The following ZWILCH variants were observed in gnomAD, a reference collection of about 807,000 sequenced individuals.
The protein encoded by ZWILCH is protein zwilch homolog.
Under a neutral mutation model 79.9 loss-of-function variants are expected in ZWILCH, and 74 were observed. The ratio of observed to expected loss-of-function variants is 0.93; its 90% CI spans 0.77 to 1.12. The LOEUF is 1.12. Among genes scored for constraint, ZWILCH ranks in the 50% most tolerant of loss-of-function variants. The pLI is 0.00. For synonymous variants in ZWILCH, 241 were observed against 228.2 expected (o/e 1.06, Z -0.51); for missense variants, 694 against 687.5 (o/e 1.01, Z -0.11).
At chr15:66,529,637 C>A in intron 12 of ZWILCH, 64 bp downstream of exon 12, 2 of 1,282,112 alleles carry the variant, frequency 1.6e-6, no homozygotes, top group African/African-American at 1.5e-5. Context: ...AAGACACAGG[C>A]TCTGAAGCCA....
chr15:66,541,193 C>T (rs1225993489), intron 17 of ZWILCH, among the ~76,000 whole-genome samples: 2 of 151,384 alleles, frequency 1.3e-5, no homozygotes, highest in African/African-American at 2.4e-5. Flanking sequence ...GAGGCTGAGG[C>T]GGGAGAATCA....
Position 66,515,516 on chromosome 15 carries a change from AT to A in ZWILCH, c.202-5del, listed in dbSNP as rs1438793908. The A allele has an allele frequency of 1.9e-6, 3 of 1,553,466 alleles. No individual in the cohort carries two copies. The highest frequency in any genetic ancestry group is 2.7e-5 in the African/African-American group (2 of 72,902). ...TTTGTCTGGTTAAATAATTAAGAAC[AT>A]TTTTAAAGCCTTTAGAAAAGGAAGA... On this transcript the variant is annotated splice_polypyrimidine_tract_variant and intron_variant, in intron 3 of 18. Transcript: ENST00000307897.
In ZWILCH at chr15:66,509,819, CTACATA is replaced by C. The variant is rs1276336930; in HGVS notation, c.105+930_105+935del. ...TATCTATAATTATGTGTGTGTGTGGCTACATATATATATATATATATATATATATAT... is the reference window on the plus strand; with the variant it reads ...TATCTATAATTATGTGTGTGTGTGGCTATATATATATATATATATATATAT... On this transcript the variant is annotated intron_variant, in intron 2 of 18. Transcript: ENST00000307897. Among the ~76,000 whole-genome samples, 15 of 49,844 alleles carry C rather than the reference CTACATA, an allele frequency of 3.0e-4. 1 individual carries two copies. The highest frequency in any genetic ancestry group is 2.5e-3 in the South Asian group (4 of 1,604). 32.7% of individuals were successfully genotyped at this position (49,844 alleles called of 152,430 possible).
chr15:66,532,246 G>T lies in ZWILCH; in HGVS notation c.1156-1G>T. 1.9e-6 allele frequency: 3 copies of T among 1,561,076 alleles called. No individual in the cohort carries two copies. The highest frequency in any genetic ancestry group is 2.1e-5 in the Admixed American group (1 of 47,978). ...TTTTATAAAATTTTCCTGATTTCTA[G>T]CTCCATAGTGGAAGTAACAGTTTAC... is the stretch of plus-strand genomic sequence containing the variant. On this transcript the variant is annotated splice_acceptor_variant, in intron 12 of 18. Transcript: ENST00000307897. LOFTEE classifies it high-confidence loss of function.
At chr15:66,540,300 C>A in intron 17 of ZWILCH, 90 bp downstream of exon 17, 1 of 1,087,006 alleles carries the variant, frequency 9.2e-7, no homozygotes, top group Non-Finnish European at 1.3e-6. Flanking sequence ...GCCTGTAATC[C>A]CAGCACTTTG....
At chr15:66,514,291 C>T (rs777462868) in intron 3 of ZWILCH, 4 of 289,176 alleles carry the variant, frequency 1.4e-5, no homozygotes, top group Non-Finnish European at 2.6e-5. Context: ...AAGAAATAAT[C>T]GATAAAATTC....
chr15:66,506,982 G>A (rs981014234), intron 1 of ZWILCH, among the ~76,000 whole-genome samples: 8 of 151,172 alleles, frequency 5.3e-5, no homozygotes, highest in South Asian at 2.1e-4. Context: ...TCAGCCTCCC[G>A]AGTAGCTGGG....
At chr15:66,535,202 T>C (rs1336265192) in intron 14 of ZWILCH, among the ~76,000 whole-genome samples, 1 of 152,196 alleles carries the variant, frequency 6.6e-6, no homozygotes, top group Non-Finnish European at 1.5e-5. Context: ...TGTTATCACC[T>C]ATGAGATAAC....
rs763100779 is a variant in ZWILCH, at chr15:66,536,072, A to T, written c.1478+3A>T. On this transcript the variant is annotated splice_donor_region_variant and intron_variant, in intron 15 of 18. Coordinates refer to ENST00000307897, the MANE Select transcript of ZWILCH (RefSeq NM_017975.5). The stretch of plus-strand genomic sequence containing the variant: ...GAACTCCTCTTTTCTTTAACACAGT[A>T]AGTACATCTGTATTCTTCACTTATA... 16 of 1,600,946 alleles carry T rather than the reference A, an allele frequency of 1.0e-5. No individual in the cohort carries two copies. Among genetic ancestry groups the T allele is most frequent in the Admixed American group, 5.2e-5 (3 of 57,818 alleles).
At chr15:66,510,995 A>C (rs59263920) in intron 2 of ZWILCH, among the ~76,000 whole-genome samples, 2,084 of 152,274 alleles carry the variant, frequency 0.014, 46 homozygotes, top group African/African-American at 0.048. Context: ...TGGAGGTTAG[A>C]CCTTCAAGAT....
intron 2 of ZWILCH, among the ~76,000 whole-genome samples, chr15:66,509,855 ATATATATATATATATC>A (rs1212341395): frequency 3.7e-4 from 39 of 106,588 alleles, no homozygotes; most frequent in Non-Finnish European, 5.9e-4. Flanking sequence ...ATATATATAT[ATATATATATATATATC>A]TCTTAAAAAT....
chr15:66,518,311 CAG>C (rs1894364348), intron 4 of ZWILCH, among the ~76,000 whole-genome samples: 1 of 117,246 alleles, frequency 8.5e-6, no homozygotes, highest in Admixed American at 1.1e-4. Flanking sequence ...TTTTTTGAGA[CAG>C]AGTCTCACCC....
Position 66,519,088 on chromosome 15 carries a change from C to T in ZWILCH, c.520+10C>T. ...GTGGTCAGTTGTAAAGGTGAGTGCT[C>T]TCTCTAGAGAGTGTGTGTGTGTATT... On this transcript the variant is annotated intron_variant, in intron 5 of 18. Transcript: ENST00000307897. 1 of 1,612,240 alleles carries T rather than the reference C, an allele frequency of 6.2e-7. No homozygotes were observed. Among genetic ancestry groups the T allele is most frequent in the Non-Finnish European group, 8.5e-7 (1 of 1,178,346 alleles).
At chr15:66,511,829 G>T (rs1200002090) in intron 2 of ZWILCH, among the ~76,000 whole-genome samples, 1 of 152,018 alleles carries the variant, frequency 6.6e-6, no homozygotes, top group African/African-American at 2.4e-5. Context: ...TAGCCAGGCT[G>T]GTCTCAAACT....
chr15:66,523,637 A>T, intron 7 of ZWILCH, 40 bp from the exon 8 acceptor site: 2 of 1,338,690 alleles, frequency 1.5e-6, no homozygotes, highest in Non-Finnish European at 2.1e-6. Context: ...AGAAGGTAGG[A>T]TTAGCACTAG....
At chr15:66,521,739 C>A (rs1038461494) in intron 7 of ZWILCH, among the ~76,000 whole-genome samples, 8 of 152,062 alleles carry the variant, frequency 5.3e-5, no homozygotes, top group Non-Finnish European at 1.2e-4. Context: ...AGTGATCCTC[C>A]CACCTCCACC....
intron 1 of ZWILCH, 199 bp from the exon 2 acceptor site, chr15:66,508,642 G>T: frequency 1.8e-6 from 2 of 1,112,104 alleles, no homozygotes; most frequent in Non-Finnish European, 1.2e-6. Context: ...TTCTTTTTTG[G>T]TTCTCTTTTC....
rs1198071053 is a variant in ZWILCH, at chr15:66,548,587, A to C, written c.*263A>C. On this transcript the variant is annotated 3_prime_UTR_variant, in exon 19 of 19. Transcript: ENST00000307897. ...TACCACGATCTCCGTAACCATTTGC[A>C]TGTGACTTAGCAAGGGCTCTGAAAT... 3.7e-6 allele frequency: 6 copies of C among 1,606,768 alleles called. No individual in the cohort carries two copies. Among genetic ancestry groups the C allele is most frequent in the Non-Finnish European group, 5.1e-6 (6 of 1,173,392 alleles).
rs1010528316 is a variant in ZWILCH, at chr15:66,519,245, G to A, written c.520+167G>A. The A allele has an allele frequency of 5.3e-5, 34 of 640,406 alleles. No homozygotes were observed. In the African/African-American group the frequency reaches 6.2e-4, roughly 12 times the overall value. The allele number at this position is 640,406 out of a possible 1,614,324, so 39.7% of individuals were successfully genotyped here. A position where few individuals can be genotyped will look rare whatever the true frequency, so the allele number is the denominator to read the frequency against. ...GTGTGTAACTTGCAGCATGTGGGAG[G>A]TATTCCAGAAACACCAGAAACAGAT... is the stretch of plus-strand genomic sequence containing the variant. On this transcript the variant is annotated intron_variant, in intron 5 of 18. Coordinates refer to ENST00000307897, the MANE Select transcript of ZWILCH (RefSeq NM_017975.5).
Sources: allele counts gnomAD v4.1 joint callset (sites outside exome capture counted in the v4.1 genomes callset), GRCh38; gene constraint gnomAD v4.1.1; transcripts MANE v1.5; gene names NCBI Gene and HGNC (gene_info 2026-07-23, HGNC 2026-07-21).